Variants in ELF5 observed in about 807,000 individuals in gnomAD.
ELF5 encodes E74 like ETS transcription factor 5.
In ELF5, 31 loss-of-function variants were observed where a neutral mutation model predicts 38.2. That is an observed-to-expected ratio of 0.81 (90% CI 0.61 to 1.10). The LOEUF is 1.10. Among genes scored for constraint, ELF5 ranks in the 50% least tolerant of loss-of-function variants. The pLI is 0.00. For missense variants in ELF5, 300 were observed against 306.6 expected, an observed-to-expected ratio of 0.98 and a Z score of 0.16; for synonymous variants, 121 against 112.5, an observed-to-expected ratio of 1.08 and a Z score of -0.48.
chr11:34,491,152 T>G (rs1341541458), intron 3 of ELF5, among the ~76,000 whole-genome samples: 2 of 152,164 alleles, frequency 1.3e-5, no homozygotes, highest in African/African-American at 4.8e-5. Flanking sequence ...TAACCCCCAG[T>G]CAACTGTAGA....
chr11:34,482,724 A>C (rs1590319777), intron 4 of ELF5, among the ~76,000 whole-genome samples: 1 of 152,120 alleles, frequency 6.6e-6, no homozygotes, highest in African/African-American at 2.4e-5. Flanking sequence ...GAATAAATAA[A>C]TCTGGTTTTG....
intron 3 of ELF5, chr11:34,491,760 G>A (rs1270527036): frequency 1.3e-5 from 2 of 152,132 alleles, no homozygotes; most frequent in Non-Finnish European, 2.9e-5. Context: ...ATTTTTAGTA[G>A]AGACGGGGTT....
intron 1 of ELF5, among the ~76,000 whole-genome samples, chr11:34,506,632 A>G (rs1850619856): frequency 6.6e-6 from 1 of 151,894 alleles, no homozygotes; most frequent in Non-Finnish European, 1.5e-5. Flanking sequence ...TCCCACCTCC[A>G]CCTCCCGAGT....
intron 2 of ELF5, among the ~76,000 whole-genome samples, chr11:34,496,838 G>T (rs1444682245): frequency 6.6e-6 from 1 of 152,144 alleles, no homozygotes; most frequent in African/African-American, 2.4e-5. Flanking sequence ...CCCCTGTAAG[G>T]TCACGCGGCC....
At position 34,484,475 on chromosome 11, in the gene ELF5, TATACTA is replaced by T. The variant is rs1857026941; in HGVS notation, c.407-1982_407-1977del. 5.1e-4 allele frequency among the ~76,000 whole-genome samples: 25 copies of T among 49,186 alleles called. 2 individuals are homozygous for T. In the South Asian group the frequency reaches 0.012, roughly 23 times the overall value. 32.3% of individuals were successfully genotyped at this position (49,186 alleles called of 152,430 possible). On this transcript the variant is annotated intron_variant, in intron 4 of 6. Transcript: ENST00000257832. ...CTAACTATACTGTACTGTGCTACAC[TATACTA>T]ACTATACTATACTATACTATACTAT... is the stretch of plus-strand genomic sequence containing the variant.
Position 34,505,754 on chromosome 11 carries a change from C to G in ELF5, c.-4-1G>C. The G allele has an allele frequency of 1.2e-6, 2 of 1,613,258 alleles. No homozygotes were observed. The highest frequency in any genetic ancestry group is 2.2e-5 in the South Asian group (2 of 90,916). ...GTGTGTCACCGAGTCCAACATTACC[C>G]TGCAACAGCAGGAGAGGTCGTGAGG... On this transcript the variant is annotated splice_acceptor_variant, in intron 1 of 6. Transcript: ENST00000257832. LOFTEE classifies it low-confidence loss of function (5UTR_SPLICE).
chr11:34,494,990 G>A (rs1850282017), intron 2 of ELF5, among the ~76,000 whole-genome samples: 1 of 152,188 alleles, frequency 6.6e-6, no homozygotes, highest in African/African-American at 2.4e-5. Flanking sequence ...AAGGATTCAT[G>A]GTGGACAGGT....
rs766027879 is a variant in ELF5 at position 34,478,971 on chromosome 11, C to T, written c.*1247G>A. The T allele has an allele frequency of 3.9e-5, 6 of 152,648 alleles. No individual in the cohort carries two copies. The highest frequency in any genetic ancestry group is 5.9e-5 in the Non-Finnish European group (4 of 68,046). The allele number at this position is 152,648 out of a possible 1,614,324, so 9.5% of individuals were successfully genotyped here. On this transcript the variant is annotated 3_prime_UTR_variant, in exon 7 of 7. Transcript: ENST00000257832. Reference sequence around the variant, plus strand: ...CGATTCAGTGCCTCACCACTTGATTCCTGCTCTGGTGAAACAGAAGTCCTA... The same window carrying T: ...CGATTCAGTGCCTCACCACTTGATTTCTGCTCTGGTGAAACAGAAGTCCTA...
chr11:34,493,354 G>A (rs1295961468), intron 3 of ELF5, 125 bp downstream of exon 3: 11 of 896,416 alleles, frequency 1.2e-5, no homozygotes, highest in Non-Finnish European at 1.4e-5. Flanking sequence ...TGAAGGTTTG[G>A]ATTAACGAGA....
chr11:34,490,130 G>A, intron 3 of ELF5, 71 bp from the exon 4 acceptor site: 1 of 1,525,642 alleles, frequency 6.6e-7, no homozygotes, highest in Non-Finnish European at 9.1e-7. Context: ...CCAGGAGAGG[G>A]GGTGTTGGAG....
rs991309515 is a variant in ELF5, at chr11:34,483,028, T to G, written c.407-529A>C. ...GTTTTTAAAATGGTGGCACCAGATC[T>G]GCCCCTCCAGCTCACACTCGTCTCC... On this transcript the variant is annotated intron_variant, in intron 4 of 6. Coordinates refer to ENST00000257832, the MANE Select transcript of ELF5 (RefSeq NM_001422.4). Among the ~76,000 whole-genome samples, 15 of 152,098 alleles carry G rather than the reference T, an allele frequency of 9.9e-5. No homozygotes were observed. In the East Asian group the frequency reaches 2.9e-3, roughly 30 times the overall value.
chr11:34,499,813 G>C (rs2133893100), intron 2 of ELF5, among the ~76,000 whole-genome samples: 1 of 152,312 alleles, frequency 6.6e-6, no homozygotes, highest in South Asian at 2.1e-4. Context: ...ACAGGGTTGG[G>C]TGTGGCAACT....
chr11:34,501,209 G>T (rs1850458743), intron 2 of ELF5, among the ~76,000 whole-genome samples: 1 of 152,146 alleles, frequency 6.6e-6, no homozygotes, highest in Non-Finnish European at 1.5e-5. Flanking sequence ...AGCATGCTTA[G>T]GGATGGAGGT....
intron 5 of ELF5, 88 bp downstream of exon 5, chr11:34,482,343 A>T (rs898153250): frequency 9.3e-5 from 119 of 1,275,140 alleles, no homozygotes; most frequent in Non-Finnish European, 1.3e-4. Flanking sequence ...CAACTCAAAC[A>T]TTTAGTTTCA....
At chr11:34,506,862 A>C (rs1157525947) in intron 1 of ELF5, among the ~76,000 whole-genome samples, 1 of 152,250 alleles carries the variant, frequency 6.6e-6, no homozygotes, top group Non-Finnish European at 1.5e-5. Context: ...GTGTGTGATT[A>C]ATCCATAATT....
At position 34,480,044 on chromosome 11, in the gene ELF5, C is replaced by A. The variant is rs192856813; in HGVS notation, c.*174G>T. The A allele has an allele frequency of 4.9e-6, 3 of 607,856 alleles. No homozygotes were observed. Among genetic ancestry groups the A allele is most frequent in the Admixed American group, 6.1e-5 (2 of 32,918 alleles). The allele number at this position is 607,856 out of a possible 1,614,324, so 37.7% of individuals were successfully genotyped here. On this transcript the variant is annotated 3_prime_UTR_variant, in exon 7 of 7. Coordinates refer to ENST00000257832, the MANE Select transcript of ELF5 (RefSeq NM_001422.4). The stretch of plus-strand genomic sequence containing the variant: ...ATTTCTTAAGAGTTTCTGCTCTCAC[C>A]CTCCATAGACAACAACTCTGAATCC...
chr11:34,499,879 A>G (rs1301358957), intron 2 of ELF5, among the ~76,000 whole-genome samples: 1 of 152,180 alleles, frequency 6.6e-6, no homozygotes, highest in Non-Finnish European at 1.5e-5. Context: ...TCTTCAATGG[A>G]TTAGCTGTGC....
intron 1 of ELF5, among the ~76,000 whole-genome samples, chr11:34,510,235 G>A (rs1850719407): frequency 6.6e-6 from 1 of 151,612 alleles, no homozygotes. Flanking sequence ...CTTCTCAGGT[G>A]TACAGCATGC....
intron 4 of ELF5, among the ~76,000 whole-genome samples, chr11:34,485,933 G>A (rs1849981963): frequency 6.6e-6 from 1 of 152,096 alleles, no homozygotes; most frequent in African/African-American, 2.4e-5. Flanking sequence ...CACAACTTTT[G>A]TCATCTTGAC....
Sources: gnomAD v4.1 joint callset for allele counts (sites outside exome capture counted in the v4.1 genomes callset) on GRCh38, gnomAD v4.1.1 for gene constraint, MANE v1.5 for transcripts, NCBI Gene and HGNC (gene_info 2026-07-23, HGNC 2026-07-21) for gene names.